GLYATL3: variants seen among roughly 807,000 people sequenced by gnomAD.
GLYATL3 encodes the protein glycine-N-acyltransferase like 3.
In GLYATL3, 31 loss-of-function variants were observed where a neutral mutation model predicts 28.5. That is an observed-to-expected ratio of 1.09 (90% CI 0.82 to 1.47). GLYATL3 has a LOEUF of 1.47. Ranked by LOEUF, GLYATL3 falls within the 40% of genes most tolerant of loss-of-function variation. The probability of loss-of-function intolerance (pLI) is 0.00; values close to 1 mark genes in which losing one functional copy is unlikely to be tolerated. For missense variants in GLYATL3, 369 were observed against 351.5 expected (o/e 1.05, Z -0.40); for synonymous variants, 141 against 140.2 (o/e 1.01, Z -0.04).
chr6:49,508,954 G>C (rs1242025613), intron 1 of GLYATL3, among the ~76,000 whole-genome samples: 1 of 151,968 alleles, frequency 6.6e-6, no homozygotes, highest in African/African-American at 2.4e-5. Context: ...TCCAACCTGG[G>C]CAACAGAGCG....
chr6:49,525,093 A>ATTTTTTTTTTTTTTTTTTTTTTT (rs10630585), intron 5 of GLYATL3, among the ~76,000 whole-genome samples: 1 of 141,354 alleles, frequency 7.1e-6, no homozygotes, highest in Non-Finnish European at 1.5e-5. Flanking sequence ...ATTCTAAAAC[A>ATTTTTTTTTTTTTTTTTTTTTTT]TTTTTTTTTT....
chr6:49,520,701 A>G (rs1262763379), intron 4 of GLYATL3, among the ~76,000 whole-genome samples: 1 of 152,154 alleles, frequency 6.6e-6, no homozygotes, highest in Non-Finnish European at 1.5e-5. Flanking sequence ...AAGGAATCAT[A>G]CTATAACCTC....
chr6:49,524,852 C>T lies in GLYATL3; in HGVS notation c.441-1636C>T, dbSNP rs562279566. Among the ~76,000 whole-genome samples, 4 of 151,506 alleles carry T rather than the reference C, an allele frequency of 2.6e-5. No individual in the cohort carries two copies. In the South Asian group the frequency reaches 6.3e-4, roughly 24 times the overall value. On this transcript the variant is annotated intron_variant, in intron 5 of 5. Coordinates refer to ENST00000371197, the MANE Select transcript of GLYATL3 (RefSeq NM_001010904.2). ...AAAATTAGCTGGGCATGTTGGCACGCGCCTGTCATCCCAGCTGCTTGGGAG... is the reference window on the plus strand; with the variant it reads ...AAAATTAGCTGGGCATGTTGGCACGTGCCTGTCATCCCAGCTGCTTGGGAG...
intron 5 of GLYATL3, 60 bp from the exon 6 acceptor site, chr6:49,526,428 T>C (rs2127241781): frequency 7.1e-7 from 1 of 1,399,296 alleles, no homozygotes; most frequent in African/African-American, 1.4e-5. Flanking sequence ...AAAAAATGTG[T>C]AGTTATGTAT....
chr6:49,526,247 C>G (rs553100920), intron 5 of GLYATL3, among the ~76,000 whole-genome samples: 6 of 152,134 alleles, frequency 3.9e-5, no homozygotes, highest in African/African-American at 1.4e-4. Context: ...AATCCCGTCT[C>G]TACTAAAAAT....
Position 49,512,462 on chromosome 6 carries a change from C to G in GLYATL3, c.78+394C>G, listed in dbSNP as rs546566247. On this transcript the variant is annotated intron_variant, in intron 2 of 5. Coordinates refer to ENST00000371197, the MANE Select transcript of GLYATL3 (RefSeq NM_001010904.2). ...GCTCTCCCTCCCCTTTCCTCTCACCCCCTGGAAACTACACTTTTCATAGTC... is the reference window on the plus strand; with the variant it reads ...GCTCTCCCTCCCCTTTCCTCTCACCGCCTGGAAACTACACTTTTCATAGTC... Among the ~76,000 whole-genome samples, 4 of 151,994 alleles carry G rather than the reference C, an allele frequency of 2.6e-5. No individual in the cohort carries two copies. In the South Asian group the frequency reaches 8.3e-4, roughly 32 times the overall value.
chr6:49,509,971 TTTCTTTCTTTC>T lies in GLYATL3; in HGVS notation c.-28-1989_-28-1979del, dbSNP rs1356349508. Among the ~76,000 whole-genome samples the T allele has an allele frequency of 9.5e-5, 14 of 147,906 alleles. No homozygotes were observed. The Admixed American group carries it at 9.5e-4, about 10-fold the overall frequency. On this transcript the variant is annotated intron_variant, in intron 1 of 5. Coordinates refer to ENST00000371197, the MANE Select transcript of GLYATL3 (RefSeq NM_001010904.2). ...TTCTCTTTCTTTCTTTCTTTCTTTC[TTTCTTTCTTTC>T]TTTCTTTCTTTCTTTCTTTCTCTTT...
rs267601061 is a variant in GLYATL3, at chr6:49,526,702, C to T, written c.655C>T (p.Pro219Ser). 7 of 1,551,762 alleles carry T rather than the reference C, an allele frequency of 4.5e-6. No homozygotes were observed. In the Admixed American group the frequency reaches 1.2e-4, roughly 26 times the overall value. ...FATMCHGYTLPEHRRKGYSRL... is the reference protein window; with the variant it reads ...FATMCHGYTLSEHRRKGYSRL... ...CACCATGTGCCATGGCTACACCCTG[C>T]CAGAACATCGCAGGAAAGGTTACAG... is the stretch of plus-strand genomic sequence containing the variant. The change falls in exon 6 of 6, where the codon CCA becomes TCA. Residue 219 changes from proline (P) to serine (S), a missense_variant. Pro to Ser is a moderately conservative substitution (Grantham distance 74). Transcript: ENST00000371197.
At chr6:49,512,114 T>C (rs1769131919) in intron 2 of GLYATL3, 46 bp downstream of exon 2, 1 of 903,998 alleles carries the variant, frequency 1.1e-6, no homozygotes, top group South Asian at 1.7e-5. Context: ...ATTGTGTTAA[T>C]CTGTAAAATA....
Position 49,526,869 on chromosome 6 carries a change from G to C in GLYATL3, c.822G>C (p.Arg274Ser), listed in dbSNP as rs1769430414. ...HAEFLPCRFHRLILTPATFSG... is the reference protein window; with the variant it reads ...HAEFLPCRFHSLILTPATFSG... ...AGTTCTTGCCTTGTCGCTTCCACAG[G>C]CTTATTCTCACCCCTGCGACTTTCT... Residue 274 changes from arginine to serine, a missense_variant, in exon 6 of 6, where the codon AGG becomes AGC. Physicochemically the swap from Arg to Ser is moderately radical, Grantham distance 110. Transcript: ENST00000371197. The C allele has an allele frequency of 6.5e-7, 1 of 1,549,106 alleles. No homozygotes were observed.
intron 1 of GLYATL3, among the ~76,000 whole-genome samples, chr6:49,508,808 G>T (rs1041591754): frequency 6.6e-6 from 1 of 151,942 alleles, no homozygotes; most frequent in Non-Finnish European, 1.5e-5. Flanking sequence ...TTCATCTTTT[G>T]TTCCATAGCA....
rs116807103 is a variant in GLYATL3 at position 49,521,285 on chromosome 6, T to C, written c.314-360T>C. Among the ~76,000 whole-genome samples the C allele has an allele frequency of 8.2e-3, 1,255 of 152,296 alleles. 16 individuals are homozygous for C. Among genetic ancestry groups the C allele is most frequent in the African/African-American group, 0.028 (1,172 of 41,542 alleles). On this transcript the variant is annotated intron_variant, in intron 4 of 5. Transcript: ENST00000371197. ...AGCTCTTGTATACTTCATAGACTTTTAGAGCTCTAAAATGTCATCCTTTAT... is the reference window on the plus strand; with the variant it reads ...AGCTCTTGTATACTTCATAGACTTTCAGAGCTCTAAAATGTCATCCTTTAT...
chr6:49,521,916 A>AGTGT (rs1019236697), intron 5 of GLYATL3, 145 bp downstream of exon 5: 4 of 644,468 alleles, frequency 6.2e-6, no homozygotes, highest in Non-Finnish European at 1.1e-5. Context: ...TATGTGTGTG[A>AGTGT]GTGTGTGTGT....
chr6:49,524,541 C>A (rs1301128746), intron 5 of GLYATL3, among the ~76,000 whole-genome samples: 1 of 152,182 alleles, frequency 6.6e-6, no homozygotes, highest in East Asian at 1.9e-4. Flanking sequence ...ATCTTAATAT[C>A]AGGGGCTTTA....
rs1561981248 is a variant in GLYATL3 at position 49,526,534 on chromosome 6, G to GATCT, written c.489_492dup (p.Leu165SerfsTer12). On this transcript the variant is annotated frameshift_variant, in exon 6 of 6. Transcript: ENST00000371197. LOFTEE classifies it high-confidence loss of function. Reference sequence around the variant, plus strand: ...AACCTACCTGAGTGTTGCCAATGCGGATCTACTCAACCGGACTTGGTCCCG... The same window carrying GATCT: ...AACCTACCTGAGTGTTGCCAATGCGGATCTATCTACTCAACCGGACTTGGTCCCG... 1.3e-6 allele frequency: 2 copies of GATCT among 1,551,638 alleles called. No individual in the cohort carries two copies. The highest frequency in any genetic ancestry group is 2.0e-5 in the Admixed American group (1 of 50,992).
At chr6:49,519,237 T>C (rs903704053) in intron 4 of GLYATL3, among the ~76,000 whole-genome samples, 2 of 151,986 alleles carry the variant, frequency 1.3e-5, no homozygotes, top group Non-Finnish European at 2.9e-5. Flanking sequence ...AAAAAAGTTA[T>C]ATAATTTCCA....
chr6:49,526,770 G>A lies in GLYATL3; in HGVS notation c.723G>A (p.Arg241=). 6.4e-7 allele frequency: 1 copy of A among 1,551,822 alleles called. No homozygotes were observed. The highest frequency in any genetic ancestry group is 1.2e-5 in the South Asian group (1 of 84,050). ...ALTLARKLQS[R]GFPSQGNVLD... ...CGCTGGCCAGGAAGTTGCAAAGCCG[G>A]GGATTCCCCTCTCAGGGGAACGTCC... is the stretch of plus-strand genomic sequence containing the variant. Residue 241 remains arginine (R), a synonymous_variant, in exon 6 of 6, where the codon CGG becomes CGA. Transcript: ENST00000371197.
At chr6:49,521,886 C>G (rs1487022857) in intron 5 of GLYATL3, 115 bp downstream of exon 5, 9 of 873,308 alleles carry the variant, frequency 1.0e-5, no homozygotes, top group Non-Finnish European at 1.6e-5. Flanking sequence ...TGGATTTCAA[C>G]CATTGAGCAC....
chr6:49,500,251 T>G (rs528634902), intron 1 of GLYATL3, among the ~76,000 whole-genome samples: 1 of 152,182 alleles, frequency 6.6e-6, no homozygotes, highest in South Asian at 2.1e-4. Flanking sequence ...ATGAGGAAAA[T>G]TTTTACTCTT....
Sources: allele counts gnomAD v4.1 joint callset (sites outside exome capture counted in the v4.1 genomes callset), GRCh38; gene constraint gnomAD v4.1.1; transcripts MANE v1.5; gene names NCBI Gene and HGNC (gene_info 2026-07-23, HGNC 2026-07-21).